CR1: variants seen among roughly 807,000 people sequenced by gnomAD.
CR1 encodes complement receptor type 1.
A neutral mutation model predicts 187.3 loss-of-function variants in CR1; 116 were observed. That is an observed-to-expected ratio of 0.62 (90% CI 0.53 to 0.72). CR1 has a LOEUF of 0.72. Ranked by LOEUF, CR1 falls within the 30% of genes least tolerant of loss-of-function variation. The pLI is 0.00. For synonymous variants in CR1, 576 were observed against 747.1 expected (o/e 0.77, Z 3.73); for missense variants, 1,731 against 2,110.7 (o/e 0.82, Z 3.52).
At chr1:207,577,359 T>C (rs1461069313) in intron 28 of CR1, among the ~76,000 whole-genome samples, 3 of 152,136 alleles carry the variant, frequency 2.0e-5, no homozygotes, top group African/African-American at 4.8e-5. Flanking sequence ...TTTAAAACTA[T>C]AAGAACATGT....
chr1:207,522,488 G>T (rs1660028667), intron 4 of CR1, among the ~76,000 whole-genome samples: 1 of 152,122 alleles, frequency 6.6e-6, no homozygotes, highest in African/African-American at 2.4e-5. Context: ...CCTCTCAGTT[G>T]CCCCGTCCTG....
rs773977331 is a variant in CR1 at position 207,567,975 on chromosome 1, C to A, written c.4104C>A (p.Ile1368=). 1 of 1,610,528 alleles carries A rather than the reference C, an allele frequency of 6.2e-7. No individual in the cohort carries two copies. Among genetic ancestry groups the A allele is most frequent in the Admixed American group, 1.7e-5 (1 of 59,946 alleles). ...TSFDLIGEST[I]RCTSDPQGNG... ...TCGACCTCATTGGAGAGAGCACCAT[C>A]CGCTGCACAAGTGACCCTCAAGGGA... Residue 1368 remains isoleucine (I), a synonymous_variant, in exon 25 of 47, where the codon ATC becomes ATA. Transcript: ENST00000367049.
intron 29 of CR1, 120 bp downstream of exon 29, chr1:207,578,323 G>C (rs1339655240): frequency 7.0e-6 from 11 of 1,570,292 alleles, no homozygotes; most frequent in Non-Finnish European, 9.5e-6. Context: ...AGTAAGTTTT[G>C]GGGGAAGAAG....
At position 207,620,016 on chromosome 1, in the gene CR1, G is replaced by C; in HGVS notation, c.7203G>C (p.Gln2401His). 1 of 1,613,836 alleles carries C rather than the reference G, an allele frequency of 6.2e-7. No homozygotes were observed. Among genetic ancestry groups the C allele is most frequent in the African/African-American group, 1.3e-5 (1 of 75,044 alleles). Residue 2401 changes from glutamine to histidine, a missense_variant, in exon 43 of 47, where the codon CAG (glutamine) becomes CAC (histidine). By Grantham distance (24) the Gln-to-His change is conservative. Coordinates refer to ENST00000367049, the MANE Select transcript of CR1 (RefSeq NM_000651.6). The part of the protein sequence containing the change: ...GYTLEGSPWS[Q>H]CQADDRWDPP... ...CTCTGGAAGGCAGTCCCTGGAGCCA[G>C]TGCCAGGCGGATGACAGATGGGACC... is the stretch of plus-strand genomic sequence containing the variant.
intron 4 of CR1, among the ~76,000 whole-genome samples, chr1:207,515,129 G>A (rs551937092): frequency 4.1e-4 from 60 of 145,138 alleles, no homozygotes; most frequent in African/African-American, 1.3e-3. Flanking sequence ...ACATACGTAC[G>A]TATATATACG....
intron 4 of CR1, among the ~76,000 whole-genome samples, chr1:207,522,346 C>A (rs1461635735): frequency 1.3e-5 from 2 of 152,160 alleles, no homozygotes; most frequent in African/African-American, 2.4e-5. Flanking sequence ...TTCAGTTAAC[C>A]CTGATTACCA....
intron 33 of CR1, among the ~76,000 whole-genome samples, chr1:207,586,361 C>T (rs1334000238): frequency 6.6e-6 from 1 of 152,174 alleles, no homozygotes; most frequent in East Asian, 1.9e-4. Flanking sequence ...GTCTTGAACT[C>T]CTGGGCTAAA....
At position 207,612,002 on chromosome 1, in the gene CR1, T is replaced by A; in HGVS notation, c.6536T>A (p.Leu2179His). The A allele has an allele frequency of 6.2e-7, 1 of 1,613,986 alleles. No homozygotes were observed. The highest frequency in any genetic ancestry group is 8.5e-7 in the Non-Finnish European group (1 of 1,179,892). Residue 2179 changes from leucine to histidine, a missense_variant, in exon 39 of 47, where the codon CTC becomes CAC. Around this residue, in one of 5 missense-constraint regions of CR1, gnomAD observed 1,312 missense variants for 1,379.6 expected, o/e 0.95. Coordinates refer to ENST00000367049, the MANE Select transcript of CR1 (RefSeq NM_000651.6). ...PHGRVLLPLN[L>H]QLGAKVSFVC... The stretch of plus-strand genomic sequence containing the variant: ...GGCCGTGTGCTACTTCCACTTAATC[T>A]CCAGCTTGGGGCAAAGGTGTCCTTT...
chr1:207,616,667 G>T lies in CR1; in HGVS notation c.6754G>T (p.Ala2252Ser). 3 of 1,613,848 alleles carry T rather than the reference G, an allele frequency of 1.9e-6. No homozygotes were observed. The highest frequency in any genetic ancestry group is 2.2e-5 in the East Asian group (1 of 44,878). Reference sequence around the variant, plus strand: ...TCCCTATGGAAAAGAAATATCTTACGCATGCGACACCCACCCAGACAGAGG... The same window carrying T: ...TCCCTATGGAAAAGAAATATCTTACTCATGCGACACCCACCCAGACAGAGG... ...DIPYGKEISYACDTHPDRGMT... is the reference protein window; with the variant it reads ...DIPYGKEISYSCDTHPDRGMT... The change falls in exon 41 of 47, where the codon GCA becomes TCA. Residue 2252 changes from alanine to serine, a missense_variant. Around this residue, in one of 5 missense-constraint regions of CR1, gnomAD observed 1,312 missense variants for 1,379.6 expected, o/e 0.95. Coordinates refer to ENST00000367049, the MANE Select transcript of CR1 (RefSeq NM_000651.6).
At chr1:207,617,608 TATATAGAGAGAGAGAGAGAG>T (rs1231979789) in intron 41 of CR1, among the ~76,000 whole-genome samples, 134 of 12,198 alleles carry the variant, frequency 0.011, no homozygotes, top group South Asian at 0.086. Flanking sequence ...TATATATATA[TATATAGAGAGAGAGAGAGAG>T]AGAGAGAGAG....
intron 35 of CR1, among the ~76,000 whole-genome samples, chr1:207,605,316 A>T (rs1661716498): frequency 6.7e-6 from 1 of 148,402 alleles, no homozygotes; most frequent in Admixed American, 6.8e-5. Context: ...TTGCTAGAAG[A>T]GTAGATTTTA....
At chr1:207,499,275 T>A (rs576641591) in intron 1 of CR1, among the ~76,000 whole-genome samples, 1 of 152,298 alleles carries the variant, frequency 6.6e-6, no homozygotes, top group East Asian at 1.9e-4. Context: ...GGGCATCATA[T>A]AATGATAAAG....
intron 29 of CR1, among the ~76,000 whole-genome samples, chr1:207,578,467 C>T (rs572692415): frequency 2.0e-5 from 3 of 152,356 alleles, no homozygotes; most frequent in Admixed American, 2.0e-4. Context: ...AAAGTACCAG[C>T]TGCAATCTCT....
Position 207,620,025 on chromosome 1 carries a change from G to A in CR1, c.7212G>A (p.Ala2404=), listed in dbSNP as rs368138765. The part of the protein sequence containing the change: ...LEGSPWSQCQ[A]DDRWDPPLAK... ...GCAGTCCCTGGAGCCAGTGCCAGGC[G>A]GATGACAGATGGGACCCTCCTCTGG... Residue 2404 remains alanine, a synonymous_variant, in exon 43 of 47, where the codon GCG becomes GCA. Transcript: ENST00000367049. The A allele has an allele frequency of 2.0e-5, 32 of 1,613,334 alleles. No individual in the cohort carries two copies. The highest frequency in any genetic ancestry group is 5.0e-5 in the Admixed American group (3 of 59,846).
In CR1 at chr1:207,580,239, G is replaced by A. The variant is rs371064533; in HGVS notation, c.4937-1G>A. The A allele has an allele frequency of 3.7e-5, 60 of 1,613,444 alleles. No individual in the cohort carries two copies. The highest frequency in any genetic ancestry group is 5.0e-5 in the Non-Finnish European group (59 of 1,179,614). On this transcript the variant is annotated splice_acceptor_variant, in intron 29 of 46. Transcript: ENST00000367049. LOFTEE classifies it high-confidence loss of function. Reference sequence around the variant, plus strand: ...GTACTCTGGAACTGTCCTTTCCACAGTGTGTCAGCCGCCTCCAGAAATCCT... The same window carrying A: ...GTACTCTGGAACTGTCCTTTCCACAATGTGTCAGCCGCCTCCAGAAATCCT...
chr1:207,504,862 T>C (rs111910443), intron 1 of CR1, among the ~76,000 whole-genome samples: 2,778 of 152,186 alleles, frequency 0.018, 75 homozygotes, highest in African/African-American at 0.063. Flanking sequence ...TGTTAGGAAA[T>C]GGGCAGAACA....
chr1:207,640,065 C>A lies in CR1; in HGVS notation c.*656C>A, dbSNP rs573949763. 6.6e-6 allele frequency: 1 copy of A among 152,282 alleles called. No individual in the cohort carries two copies. The highest frequency in any genetic ancestry group is 2.4e-5 in the African/African-American group (1 of 41,554). The allele number at this position is 152,282 out of a possible 1,614,324, so 9.4% of individuals were successfully genotyped here. On this transcript the variant is annotated 3_prime_UTR_variant, in exon 47 of 47. Transcript: ENST00000367049. ...ATTTACTAGAAAGGCATGAAATGAT[C>A]ATGGGAAGAGTGGTTAAGACTACTG...
At chr1:207,621,675 T>C (rs1351897404) in intron 43 of CR1, among the ~76,000 whole-genome samples, 1 of 152,212 alleles carries the variant, frequency 6.6e-6, no homozygotes, top group African/African-American at 2.4e-5. Flanking sequence ...TAAGGAAATG[T>C]ACCAGAACAG....
At chr1:207,581,386 G>A (rs1448080181) in intron 31 of CR1, among the ~76,000 whole-genome samples, 1 of 148,882 alleles carries the variant, frequency 6.7e-6, no homozygotes, top group African/African-American at 2.5e-5. Context: ...GTATACATAT[G>A]TATATATACA....
Sources: gnomAD v4.1 joint callset for allele counts (sites outside exome capture counted in the v4.1 genomes callset) on GRCh38, gnomAD v4.1.1 for gene constraint, gnomAD v4.1.1 regional missense constraint, MANE v1.5 for transcripts, NCBI Gene and HGNC (gene_info 2026-07-23, HGNC 2026-07-21) for gene names.